Variants in RASEF observed in about 807,000 individuals in gnomAD.
RASEF encodes RAS and EF-hand domain containing, also known as ras and EF-hand domain-containing protein.
A neutral mutation model predicts 90.1 loss-of-function variants in RASEF; 68 were observed. That is an observed-to-expected ratio of 0.75 (90% CI 0.62 to 0.92). The LOEUF is 0.92. Ranked by LOEUF, RASEF falls within the 40% of genes least tolerant of loss-of-function variation. The pLI is 0.00. For missense variants in RASEF, 949 were observed against 937.2 expected (o/e 1.01, Z -0.16); for synonymous variants, 331 against 345.2 (o/e 0.96, Z 0.46).
intron 12 of RASEF, among the ~76,000 whole-genome samples, chr9:82,999,206 T>C (rs1828978101): frequency 2.9e-5 from 1 of 34,146 alleles, no homozygotes; most frequent in Admixed American, 2.4e-4. Context: ...CTCCTTTTAC[T>C]ATTATGCAAA....
chr9:83,207,852 C>T, the RASEF span, among the ~76,000 whole-genome samples: 1,471 of 152,164 alleles, frequency 9.7e-3, 20 homozygotes, highest in African/African-American at 0.034. Context: ...ATGATCCACC[C>T]GTCTCCGCCT....
At chr9:83,133,942 C>T in the RASEF span, among the ~76,000 whole-genome samples, 1 of 152,074 alleles carries the variant, frequency 6.6e-6, no homozygotes, top group Admixed American at 6.6e-5. Flanking sequence ...TTCCCCCATG[C>T]AATTCACAGG....
intron 1 of RASEF, among the ~76,000 whole-genome samples, chr9:83,029,393 C>CTTTT (rs869144602): frequency 7.4e-6 from 1 of 134,812 alleles, no homozygotes. Flanking sequence ...GACTTGCCTT[C>CTTTT]TTTTTTTTTT....
intron 1 of RASEF, among the ~76,000 whole-genome samples, chr9:83,038,704 G>C (rs1455884972): frequency 6.6e-6 from 1 of 151,884 alleles, no homozygotes; most frequent in Non-Finnish European, 1.5e-5. Flanking sequence ...TAAAATTTTT[G>C]ACTAGAACTA....
intron 16 of RASEF, among the ~76,000 whole-genome samples, chr9:82,988,380 A>C (rs2118374413): frequency 7.0e-6 from 1 of 143,804 alleles, no homozygotes; most frequent in Admixed American, 6.7e-5. Flanking sequence ...ACAGCCAAAA[A>C]CAAACAAACA....
At chr9:83,199,377 C>A in the RASEF span, among the ~76,000 whole-genome samples, 1 of 152,056 alleles carries the variant, frequency 6.6e-6, no homozygotes, top group African/African-American at 2.4e-5. Context: ...GTTGCTCGCA[C>A]CATCGCAGCC....
chr9:83,153,029 T>G, the RASEF span, among the ~76,000 whole-genome samples: 11 of 152,212 alleles, frequency 7.2e-5, no homozygotes, highest in African/African-American at 2.7e-4. Flanking sequence ...AATTTTGCCA[T>G]GAAGGACCAC....
the RASEF span, among the ~76,000 whole-genome samples, chr9:83,092,976 T>G: frequency 6.6e-6 from 1 of 151,804 alleles, no homozygotes; most frequent in Non-Finnish European, 1.5e-5. Flanking sequence ...TTACAAACCT[T>G]GAGCTAGATA....
At position 83,017,574 on chromosome 9, in the gene RASEF, G is replaced by A. The variant is rs369906633; in HGVS notation, c.670-1674C>T. On this transcript the variant is annotated intron_variant, in intron 3 of 16. Transcript: ENST00000376447. ...CTAGCCTATTTCATTCCCAACCTGC[G>A]ACAGGTAGATGCTGAGAGATCAGAT... Among the ~76,000 whole-genome samples the A allele has an allele frequency of 2.0e-5, 3 of 152,086 alleles. No individual in the cohort carries two copies. The East Asian group carries it at 5.8e-4, about 29-fold the overall frequency.
rs148551025 is a variant in RASEF at position 83,000,562 on chromosome 9, G to A, written c.1446C>T (p.Asp482=). ...GGDASDTDVP[D]IRDEETFGLE... is the part of the protein sequence containing the mutation. ...AACCAAATGTCTCTTCATCCCTTAT[G>A]TCAGGAACCTATTTTTTTTAAAATG... Residue 482 remains aspartate, a synonymous_variant, in exon 11 of 17, where the codon GAC becomes GAT. Transcript: ENST00000376447. 9.3e-5 allele frequency: 148 copies of A among 1,583,126 alleles called. No homozygotes were observed. The African/African-American group carries it at 1.8e-3, about 20-fold the overall frequency.
chr9:83,147,034 ATATATG>A, the RASEF span, among the ~76,000 whole-genome samples: 5 of 108,096 alleles, frequency 4.6e-5, no homozygotes, highest in East Asian at 1.3e-3. Context: ...GTGTGTATAT[ATATATG>A]TATATATATA....
intron 16 of RASEF, 46 bp from the exon 17 acceptor site, chr9:82,982,828 A>G: frequency 1.8e-6 from 2 of 1,090,000 alleles, no homozygotes; most frequent in Non-Finnish European, 2.8e-6. Context: ...AGAGAGAGAG[A>G]GAGAGGATTA....
At chr9:82,990,527 A>G in intron 15 of RASEF, 60 bp from the exon 16 acceptor site, 14 of 1,267,516 alleles carry the variant, frequency 1.1e-5, no homozygotes, top group Non-Finnish European at 1.6e-5. Context: ...CTGAAATTTT[A>G]GCTTTTAAAA....
At chr9:83,005,988 C>A (rs1390322589) in intron 7 of RASEF, among the ~76,000 whole-genome samples, 1 of 152,190 alleles carries the variant, frequency 6.6e-6, no homozygotes, top group African/African-American at 2.4e-5. Context: ...TGATCTCAGT[C>A]AGGTCTGGGT....
chr9:83,008,922 A>ATATATATATATG (rs1829185735), intron 6 of RASEF, among the ~76,000 whole-genome samples: 1 of 128,732 alleles, frequency 7.8e-6, no homozygotes, highest in Non-Finnish European at 1.7e-5. Context: ...ATATATATAT[A>ATATATATATATG]TATATATATA....
At chr9:83,142,847 G>A in the RASEF span, among the ~76,000 whole-genome samples, 1,586 of 152,198 alleles carry the variant, frequency 0.01, 16 homozygotes, top group Middle Eastern at 0.027. Flanking sequence ...CTGTTTTAGG[G>A]TATAGAAGTC....
At chr9:83,019,974 G>C (rs191112831) in intron 3 of RASEF, among the ~76,000 whole-genome samples, 1 of 152,174 alleles carries the variant, frequency 6.6e-6, no homozygotes, top group Non-Finnish European at 1.5e-5. Flanking sequence ...AAGAAACTTC[G>C]AGGGTGGATA....
the RASEF span, among the ~76,000 whole-genome samples, chr9:83,108,719 A>G: frequency 2.0e-5 from 3 of 152,224 alleles, no homozygotes; most frequent in African/African-American, 4.8e-5. Context: ...TCTACTGAGA[A>G]CCATCCACAG....
chr9:83,193,618 T>C, the RASEF span, among the ~76,000 whole-genome samples: 1 of 152,218 alleles, frequency 6.6e-6, no homozygotes, highest in Non-Finnish European at 1.5e-5. Context: ...TTCCTCTAAG[T>C]GGCCTCATAA....
Sources: gnomAD v4.1 joint callset for allele counts (sites outside exome capture counted in the v4.1 genomes callset) on GRCh38, gnomAD v4.1.1 for gene constraint, MANE v1.5 for transcripts, NCBI Gene and HGNC (gene_info 2026-07-23, HGNC 2026-07-21) for gene names.